Variants in CHRAC1 observed in about 807,000 individuals in gnomAD.
The protein encoded by CHRAC1 is chromatin accessibility complex subunit 1.
Under a neutral mutation model 9.1 loss-of-function variants are expected in CHRAC1, and 6 were observed. The ratio of observed to expected loss-of-function variants is 0.66; its 90% CI spans 0.36 to 1.29. The LOEUF (loss-of-function observed/expected upper bound fraction) is 1.29. CHRAC1 is among the 50% of genes most tolerant of loss of function. The pLI is 0.03. For synonymous variants in CHRAC1, 73 were observed against 64.5 expected (o/e 1.13, Z -0.63); for missense variants, 168 against 163.5 (o/e 1.03, Z -0.15).
At chr8:140,512,171 C>G (rs1002390423) in intron 1 of CHRAC1, 3 of 438,262 alleles carry the variant, frequency 6.8e-6, no homozygotes, top group Non-Finnish European at 7.9e-6. Flanking sequence ...TTTGGGGGCT[C>G]TTTCACCCGC....
At chr8:140,514,262 T>C in intron 1 of CHRAC1, 107 bp from the exon 2 acceptor site, 1 of 1,200,858 alleles carries the variant, frequency 8.3e-7, no homozygotes, top group Non-Finnish European at 1.1e-6. Context: ...GAAGTCTTAA[T>C]ATACTTTTAA....
intron 1 of CHRAC1, among the ~76,000 whole-genome samples, chr8:140,512,205 T>G (rs899726195): frequency 4.6e-5 from 7 of 152,030 alleles, no homozygotes; most frequent in Admixed American, 4.6e-4. Flanking sequence ...CGGCCTGCCT[T>G]TTTCTTGTCA....
At chr8:140,512,016 C>A in intron 1 of CHRAC1, 1 of 1,286,074 alleles carries the variant, frequency 7.8e-7, no homozygotes. Flanking sequence ...CGCTTCCATT[C>A]GGCAAACCCG....
chr8:140,515,219 A>G lies in CHRAC1; in HGVS notation c.368A>G (p.Glu123Gly), dbSNP rs762693457. Residue 123 changes from glutamate (E) to glycine (G), a missense_variant, in exon 3 of 3, where the codon GAA becomes GGA. Glu to Gly is a moderately conservative substitution (Grantham distance 98, BLOSUM62 -2). Transcript: ENST00000220913. ...EEDEENDNDN[E>G]SDHDEADS ...GATGAGGAGAATGACAATGATAATGAAAGTGACCATGATGAAGCTGACTCC... is the reference window on the plus strand; with the variant it reads ...GATGAGGAGAATGACAATGATAATGGAAGTGACCATGATGAAGCTGACTCC... 7 of 1,614,154 alleles carry G rather than the reference A, an allele frequency of 4.3e-6. No homozygotes were observed. The African/African-American group carries it at 6.7e-5, about 15-fold the overall frequency.
At chr8:140,513,491 A>T (rs930074603) in intron 1 of CHRAC1, among the ~76,000 whole-genome samples, 3 of 151,478 alleles carry the variant, frequency 2.0e-5, no homozygotes, top group African/African-American at 7.3e-5. Flanking sequence ...GCTGGAGTGC[A>T]GTGGCGCGAT....
At chr8:140,514,584 A>G in intron 2 of CHRAC1, 89 bp downstream of exon 2, 1 of 1,172,994 alleles carries the variant, frequency 8.5e-7, no homozygotes. Context: ...GCTCTCACGG[A>G]AAATTAGACT....
Position 140,511,431 on chromosome 8 carries a change from T to TGGCCG in CHRAC1, c.-65_-61dup. On this transcript the variant is annotated 5_prime_UTR_variant, in exon 1 of 3. Transcript: ENST00000220913. ...GGCGCGGCTCCCCGTACCCACCAGCTGGCCGGGCAGGGCAGCCACTTCGCG... is the reference window on the plus strand; with the variant it reads ...GGCGCGGCTCCCCGTACCCACCAGCTGGCCGGGCCGGGCAGGGCAGCCACTTCGCG... 1 of 1,260,280 alleles carries TGGCCG rather than the reference T, an allele frequency of 7.9e-7. No individual in the cohort carries two copies. The highest frequency in any genetic ancestry group is 1.0e-6 in the Non-Finnish European group (1 of 986,540). The allele number at this position is 1,260,280 out of a possible 1,614,324, so 78.1% of individuals were successfully genotyped here.
At position 140,515,437 on chromosome 8, in the gene CHRAC1, A is replaced by G. The variant is rs2132817137; in HGVS notation, c.*190A>G. On this transcript the variant is annotated 3_prime_UTR_variant, in exon 3 of 3. Transcript: ENST00000220913. ...TCATGTACCTACGCCACAGACAGCCAGAGGGAAAGCGACCCAGACAGCAGC... is the reference window on the plus strand; with the variant it reads ...TCATGTACCTACGCCACAGACAGCCGGAGGGAAAGCGACCCAGACAGCAGC... 1 of 464,692 alleles carries G rather than the reference A, an allele frequency of 2.2e-6. No homozygotes were observed. Among genetic ancestry groups the G allele is most frequent in the Non-Finnish European group, 3.6e-6 (1 of 276,784 alleles). 28.8% of individuals were successfully genotyped at this position (464,692 alleles called of 1,614,324 possible).
chr8:140,515,277 G>A lies in CHRAC1; in HGVS notation c.*30G>A, dbSNP rs753957510. The A allele has an allele frequency of 3.1e-6, 5 of 1,610,640 alleles. No individual in the cohort carries two copies. Among genetic ancestry groups the A allele is most frequent in the East Asian group, 2.2e-5 (1 of 44,874 alleles). On this transcript the variant is annotated 3_prime_UTR_variant, in exon 3 of 3. Transcript: ENST00000220913. ...AAAGTGCTTTAAAAACCAGCCTGGC[G>A]AGGACAGCCCTGGACCCACTCCACT...
chr8:140,512,510 A>T (rs752730625), intron 1 of CHRAC1, among the ~76,000 whole-genome samples: 4 of 152,188 alleles, frequency 2.6e-5, no homozygotes, highest in Non-Finnish European at 5.9e-5. Context: ...TTGCGTCTCG[A>T]TAGTGTTAGG....
rs555758647 is a variant in CHRAC1 at position 140,515,897 on chromosome 8, T to C, written c.*650T>C. ...TTTAAAAATAAGCATTCTAACACTT[T>C]TATTCCCACAGAAAAATTCCAAGTC... is the stretch of plus-strand genomic sequence containing the variant. On this transcript the variant is annotated 3_prime_UTR_variant, in exon 3 of 3. Transcript: ENST00000220913. 128 of 152,308 alleles carry C rather than the reference T, an allele frequency of 8.4e-4. No homozygotes were observed. Among genetic ancestry groups the C allele is most frequent in the African/African-American group, 2.8e-3 (118 of 41,562 alleles). 9.4% of individuals were successfully genotyped at this position (152,308 alleles called of 1,614,324 possible). A position where few individuals can be genotyped will look rare whatever the true frequency, so the allele number is the denominator to read the frequency against.
At position 140,515,599 on chromosome 8, in the gene CHRAC1, T is replaced by C. The variant is rs2072326922; in HGVS notation, c.*352T>C. 6.2e-6 allele frequency: 1 copy of C among 161,130 alleles called. No individual in the cohort carries two copies. The highest frequency in any genetic ancestry group is 2.0e-4 in the South Asian group (1 of 5,100). 10.0% of individuals were successfully genotyped at this position (161,130 alleles called of 1,614,324 possible). A position where few individuals can be genotyped will look rare whatever the true frequency, so the allele number is the denominator to read the frequency against. The stretch of plus-strand genomic sequence containing the variant: ...CAGTCGATTTTGAAGAGCTTCTACA[T>C]ATCGGTTATGTAAATTCATATATGT... On this transcript the variant is annotated 3_prime_UTR_variant, in exon 3 of 3. Transcript: ENST00000220913.
chr8:140,513,913 C>CTTTTTTTTTT lies in CHRAC1; in HGVS notation c.148-440_148-431dup, dbSNP rs57880666. Among the ~76,000 whole-genome samples the CTTTTTTTTTT allele has an allele frequency of 4.0e-4, 35 of 87,478 alleles. 2 individuals carry two copies. The highest frequency in any genetic ancestry group is 9.1e-4 in the African/African-American group (21 of 23,130). 57.4% of individuals were successfully genotyped at this position (87,478 alleles called of 152,430 possible). A position where few individuals can be genotyped will look rare whatever the true frequency, so the allele number is the denominator to read the frequency against. On this transcript the variant is annotated intron_variant, in intron 1 of 2. Transcript: ENST00000220913. ...ATGTTTTTCTTTTCCCCAGTGATTT[C>CTTTTTTTTTT]TTTTTTTTTTTTTTTTTTTTTTTTT...
In CHRAC1 at chr8:140,515,527, G is replaced by GC. The variant is rs1375175073; in HGVS notation, c.*281dup. 1 of 258,420 alleles carries GC rather than the reference G, an allele frequency of 3.9e-6. No homozygotes were observed. The highest frequency in any genetic ancestry group is 2.2e-5 in the African/African-American group (1 of 45,332). The allele number at this position is 258,420 out of a possible 1,614,324, so 16.0% of individuals were successfully genotyped here. A position where few individuals can be genotyped will look rare whatever the true frequency, so the allele number is the denominator to read the frequency against. ...AAAACAGCCGATACTGGCAGCCATT[G>GC]CAGCTCCAAACTGCAGAGGCAAGGC... On this transcript the variant is annotated 3_prime_UTR_variant, in exon 3 of 3. Coordinates refer to ENST00000220913, the MANE Select transcript of CHRAC1 (RefSeq NM_017444.6).
intron 2 of CHRAC1, 38 bp downstream of exon 2, chr8:140,514,533 T>G: frequency 6.7e-7 from 1 of 1,492,056 alleles, no homozygotes; most frequent in Non-Finnish European, 8.9e-7. Context: ...AAAAAATGAT[T>G]AGTAATCAAT....
rs1256909685 is a variant in CHRAC1, at chr8:140,516,946, C to G, written c.*1699C>G. 1 of 152,180 alleles carries G rather than the reference C, an allele frequency of 6.6e-6. No homozygotes were observed. Among genetic ancestry groups the G allele is most frequent in the Non-Finnish European group, 1.5e-5 (1 of 68,042 alleles). 9.4% of individuals were successfully genotyped at this position (152,180 alleles called of 1,614,324 possible). A position where few individuals can be genotyped will look rare whatever the true frequency, so the allele number is the denominator to read the frequency against. The stretch of plus-strand genomic sequence containing the variant: ...TATAGTCTCTGTTGCTGCTGCTGAA[C>G]TCAGCTGTTGTAGCACGAAAGCAGC... On this transcript the variant is annotated 3_prime_UTR_variant, in exon 3 of 3. Transcript: ENST00000220913.
At chr8:140,511,934 G>C in intron 1 of CHRAC1, 1 of 1,243,732 alleles carries the variant, frequency 8.0e-7, no homozygotes, top group Non-Finnish European at 1.1e-6. Flanking sequence ...GCCTTCCTTC[G>C]CTCCGCCCGC....
chr8:140,515,023 C>A, intron 2 of CHRAC1, 103 bp from the exon 3 acceptor site: 1 of 1,145,210 alleles, frequency 8.7e-7, no homozygotes, highest in Non-Finnish European at 1.3e-6. Flanking sequence ...GTTTTGGAAC[C>A]TCTTATAGAG....
At position 140,511,360 on chromosome 8, in the gene CHRAC1, G is replaced by C. The variant is rs1469736663; in HGVS notation, c.-140G>C. 8.5e-6 allele frequency: 6 copies of C among 704,564 alleles called. No individual in the cohort carries two copies. The highest frequency in any genetic ancestry group is 1.9e-5 in the African/African-American group (1 of 53,860). 43.6% of individuals were successfully genotyped at this position (704,564 alleles called of 1,614,324 possible). A position where few individuals can be genotyped will look rare whatever the true frequency, so the allele number is the denominator to read the frequency against. On this transcript the variant is annotated 5_prime_UTR_variant, in exon 1 of 3. Transcript: ENST00000220913. ...TAGTTTCCCGGACGGGCCGCTCCCG[G>C]CCTCGCGGCCTCGCCTCCCCACACT...
Sources: gnomAD v4.1 joint callset for allele counts (sites outside exome capture counted in the v4.1 genomes callset) on GRCh38, gnomAD v4.1.1 for gene constraint, MANE v1.5 for transcripts, NCBI Gene and HGNC (gene_info 2026-07-23, HGNC 2026-07-21) for gene names.